DLG2: variants seen among roughly 807,000 people sequenced by gnomAD.
DLG2 encodes the protein discs large MAGUK scaffold protein 2.
DLG2 carries 45 observed loss-of-function variants against 132.5 expected under a neutral mutation model. That is an observed-to-expected ratio of 0.34 (90% CI 0.27 to 0.44). DLG2 has a LOEUF of 0.44. Among genes scored for constraint, DLG2 ranks in the 20% least tolerant of loss-of-function variants. DLG2 has a pLI of 1.00. For missense variants in DLG2, 1,045 were observed against 1,196.9 expected (o/e 0.87, Z 1.87); for synonymous variants, 424 against 419.6 (o/e 1.01, Z -0.13).
At chr11:83,970,986 G>A (rs911055107) in intron 12 of DLG2, among the ~76,000 whole-genome samples, 4 of 152,114 alleles carry the variant, frequency 2.6e-5, no homozygotes, top group Admixed American at 6.5e-5. Context: ...GTTTGTTTGG[G>A]TTAATTATGT....
intron 3 of DLG2, among the ~76,000 whole-genome samples, chr11:85,483,072 T>G (rs1264992735): frequency 6.6e-6 from 1 of 152,020 alleles, no homozygotes; most frequent in African/African-American, 2.4e-5. Context: ...GATATAAATA[T>G]CCAAGTAGAG....
intron 6 of DLG2, among the ~76,000 whole-genome samples, chr11:85,060,239 G>A (rs190092120): frequency 8.1e-4 from 123 of 151,130 alleles, no homozygotes; most frequent in Non-Finnish European, 1.5e-4. Context: ...ATGTCCTAAA[G>A]GTTTATCTTT....
rs59301159 is a variant in DLG2 at position 84,784,143 on chromosome 11, C to CAAAA, written c.358-249416_358-249413dup. Among the ~76,000 whole-genome samples, 8 of 8,656 alleles carry CAAAA rather than the reference C, an allele frequency of 9.2e-4. 1 individual carries two copies. The highest frequency in any genetic ancestry group is 2.4e-3 in the African/African-American group (5 of 2,114). 5.7% of individuals were successfully genotyped at this position (8,656 alleles called of 152,430 possible). On this transcript the variant is annotated intron_variant, in intron 6 of 27. Coordinates refer to ENST00000376104, the MANE Select transcript of DLG2 (RefSeq NM_001142699.3). The stretch of plus-strand genomic sequence containing the variant: ...TGAAACCCCATCTCTACTAAAAATG[C>CAAAA]AAAAAAAAAAAAAAAAAAAAAAAAA...
chr11:84,877,512 C>CTTTTTTTTTT (rs60339036), intron 6 of DLG2, among the ~76,000 whole-genome samples: 4 of 57,450 alleles, frequency 7.0e-5, no homozygotes, highest in Non-Finnish European at 8.7e-5. Flanking sequence ...GCAACCCCTG[C>CTTTTTTTTTT]TTTTTTTTTT....
At chr11:84,226,185 C>T (rs1400434959) in intron 8 of DLG2, among the ~76,000 whole-genome samples, 2 of 152,058 alleles carry the variant, frequency 1.3e-5, no homozygotes, top group Non-Finnish European at 2.9e-5. Context: ...AATTTTTAAC[C>T]AGGGTTCGCA....
intron 8 of DLG2, among the ~76,000 whole-genome samples, chr11:84,247,228 T>A (rs375812648): frequency 6.6e-6 from 1 of 152,194 alleles, no homozygotes; most frequent in African/African-American, 2.4e-5. Context: ...TATTGAACTC[T>A]AAAGTGTCTG....
chr11:83,655,990 C>A (rs2072296694), intron 18 of DLG2, among the ~76,000 whole-genome samples: 1 of 152,236 alleles, frequency 6.6e-6, no homozygotes, highest in Non-Finnish European at 1.5e-5. Flanking sequence ...GCAGGTGCAA[C>A]TTGAGCCTTC....
chr11:84,178,212 T>C (rs899707203), intron 8 of DLG2, among the ~76,000 whole-genome samples: 1 of 152,152 alleles, frequency 6.6e-6, no homozygotes, highest in Non-Finnish European at 1.5e-5. Context: ...ATCCCATGCA[T>C]AGTTTTTGAA....
chr11:84,824,560 A>G (rs1047723989), intron 6 of DLG2, among the ~76,000 whole-genome samples: 71 of 151,926 alleles, frequency 4.7e-4, no homozygotes, highest in African/African-American at 1.7e-3. Context: ...AAAGCTACCA[A>G]CTGATAAGTC....
At chr11:85,284,500 T>A (rs963164134) in intron 4 of DLG2, among the ~76,000 whole-genome samples, 1 of 151,886 alleles carries the variant, frequency 6.6e-6, no homozygotes, top group East Asian at 1.9e-4. Flanking sequence ...GGGTATGTAC[T>A]ATTACCTCCC....
intron 7 of DLG2, among the ~76,000 whole-genome samples, chr11:84,454,935 A>G (rs1315018082): frequency 2.0e-5 from 3 of 151,176 alleles, no homozygotes; most frequent in Non-Finnish European, 3.0e-5. Context: ...GTGTAGATAT[A>G]TGTCAAGATC....
At chr11:85,187,074 C>T (rs1327242677) in intron 4 of DLG2, among the ~76,000 whole-genome samples, 2 of 152,056 alleles carry the variant, frequency 1.3e-5, no homozygotes, top group South Asian at 2.1e-4. Flanking sequence ...TACATGATAA[C>T]AGATATACTG....
intron 6 of DLG2, among the ~76,000 whole-genome samples, chr11:84,721,128 C>A (rs564686190): frequency 1.3e-5 from 2 of 152,174 alleles, no homozygotes; most frequent in South Asian, 4.2e-4. Flanking sequence ...AGAAGACCTC[C>A]GAGGCCGACT....
intron 14 of DLG2, among the ~76,000 whole-genome samples, chr11:83,940,466 A>C (rs2154138190): frequency 6.6e-6 from 1 of 152,310 alleles, no homozygotes; most frequent in East Asian, 1.9e-4. Context: ...ATGAAACCTA[A>C]GACATATGCA....
At chr11:83,585,329 A>G (rs974930834) in intron 19 of DLG2, among the ~76,000 whole-genome samples, 1 of 152,194 alleles carries the variant, frequency 6.6e-6, no homozygotes, top group South Asian at 2.1e-4. Context: ...AGGCCAGGGA[A>G]TGTACCATAC....
At chr11:84,049,466 T>C (rs1340120790) in intron 11 of DLG2, among the ~76,000 whole-genome samples, 1 of 151,794 alleles carries the variant, frequency 6.6e-6, no homozygotes, top group Non-Finnish European at 1.5e-5. Context: ...TGAAAAACTG[T>C]CAGCTTCCAT....
chr11:84,315,261 A>G (rs557766454), intron 7 of DLG2, among the ~76,000 whole-genome samples: 11 of 152,306 alleles, frequency 7.2e-5, no homozygotes, highest in Middle Eastern at 6.8e-3. Flanking sequence ...TGATGAAAAA[A>G]TATGAATATT....
intron 17 of DLG2, chr11:83,790,383 C>A: frequency 1.1e-6 from 1 of 923,614 alleles, no homozygotes; most frequent in Non-Finnish European, 1.7e-6. Flanking sequence ...GGCAGGACTG[C>A]TAGCTTCCCT....
chr11:84,861,005 G>C (rs1471486211), intron 6 of DLG2, among the ~76,000 whole-genome samples: 1 of 152,048 alleles, frequency 6.6e-6, no homozygotes, highest in Non-Finnish European at 1.5e-5. Context: ...TACACCGTAT[G>C]CTAGGGACTT....
Sources: allele counts gnomAD v4.1 joint callset (sites outside exome capture counted in the v4.1 genomes callset), GRCh38; gene constraint gnomAD v4.1.1; transcripts MANE v1.5; gene names NCBI Gene and HGNC (gene_info 2026-07-23, HGNC 2026-07-21).